Variants in LRRTM4 observed in about 807,000 individuals in gnomAD.
The protein encoded by LRRTM4 is leucine-rich repeat transmembrane neuronal protein 4.
A neutral mutation model predicts 47.6 loss-of-function variants in LRRTM4; 25 were observed. The observed-to-expected ratio is 0.53, with a 90% CI of 0.38 to 0.73. The LOEUF (loss-of-function observed/expected upper bound fraction) is 0.73. Ranked by LOEUF, LRRTM4 falls within the 30% of genes least tolerant of loss-of-function variation. The pLI is 0.00. For synonymous variants in LRRTM4, 311 were observed against 269.5 expected, an observed-to-expected ratio of 1.15 and a Z score of -1.51; for missense variants, 638 against 713.4, an observed-to-expected ratio of 0.89 and a Z score of 1.20.
intron 3 of LRRTM4, among the ~76,000 whole-genome samples, chr2:77,359,013 C>T (rs1005151909): frequency 6.6e-6 from 1 of 151,978 alleles, no homozygotes; most frequent in Non-Finnish European, 1.5e-5. Flanking sequence ...TATATTAATC[C>T]TTTATTTTCA....
At position 77,463,185 on chromosome 2, in the gene LRRTM4, A is replaced by T. The variant is rs538274231; in HGVS notation, c.1551+55133T>A. 4.2e-3 allele frequency among the ~76,000 whole-genome samples: 644 copies of T among 152,194 alleles called. 5 individuals are homozygous for T. The highest frequency in any genetic ancestry group is 7.3e-3 in the Admixed American group (111 of 15,258). On this transcript the variant is annotated intron_variant, in intron 3 of 3. Transcript: ENST00000409884. Reference sequence around the variant, plus strand: ...TGTTGCTTCAAGGCTACAAACCTGTACAGTATGTTACTGTACTAAACACTA... The same window carrying T: ...TGTTGCTTCAAGGCTACAAACCTGTTCAGTATGTTACTGTACTAAACACTA...
At chr2:77,080,870 G>A (rs567931081) in intron 3 of LRRTM4, among the ~76,000 whole-genome samples, 3 of 152,082 alleles carry the variant, frequency 2.0e-5, no homozygotes, top group East Asian at 1.9e-4. Context: ...CTTTGCTCCT[G>A]TTTCACCACC....
intron 3 of LRRTM4, among the ~76,000 whole-genome samples, chr2:76,891,564 A>T (rs868312549): frequency 5.3e-5 from 8 of 151,782 alleles, no homozygotes; most frequent in Non-Finnish European, 2.9e-5. Flanking sequence ...ATACAAAAAA[A>T]ATCCAAATAC....
intron 3 of LRRTM4, among the ~76,000 whole-genome samples, chr2:76,794,186 A>G (rs1027891333): frequency 6.6e-6 from 1 of 152,216 alleles, no homozygotes; most frequent in African/African-American, 2.4e-5. Context: ...CAGAGTAACC[A>G]GAGATTACTA....
chr2:76,780,743 T>C (rs1250494875), intron 3 of LRRTM4, among the ~76,000 whole-genome samples: 2 of 152,100 alleles, frequency 1.3e-5, no homozygotes, highest in Non-Finnish European at 2.9e-5. Context: ...TTGTCTGAAG[T>C]CTTCTTCTCT....
At chr2:77,272,901 C>T (rs1206542247) in intron 3 of LRRTM4, among the ~76,000 whole-genome samples, 1 of 152,014 alleles carries the variant, frequency 6.6e-6, no homozygotes, top group Non-Finnish European at 1.5e-5. Flanking sequence ...TACAATGGAC[C>T]AAGACAGATT....
intron 3 of LRRTM4, among the ~76,000 whole-genome samples, chr2:77,380,861 T>C (rs576659521): frequency 1.3e-5 from 2 of 151,870 alleles, no homozygotes; most frequent in South Asian, 4.2e-4. Flanking sequence ...TTTTCTAAAG[T>C]AATGTTTCTA....
In LRRTM4 at chr2:77,043,302, C is replaced by T. The variant is rs542447963; in HGVS notation, c.1552-294386G>A. On this transcript the variant is annotated intron_variant, in intron 3 of 3. Coordinates refer to ENST00000409884, the MANE Select transcript of LRRTM4 (RefSeq NM_001134745.3). Reference sequence around the variant, plus strand: ...CCAACTAATAACTGACTTTCTTCAGCGTGCTTAAATTTTCTCCACTACGTT... The same window carrying T: ...CCAACTAATAACTGACTTTCTTCAGTGTGCTTAAATTTTCTCCACTACGTT... 7.2e-5 allele frequency among the ~76,000 whole-genome samples: 11 copies of T among 151,830 alleles called. No homozygotes were observed. The South Asian group carries it at 1.0e-3, about 14-fold the overall frequency.
At chr2:77,490,034 C>G (rs4853313) in intron 3 of LRRTM4, among the ~76,000 whole-genome samples, 141,664 of 152,254 alleles carry the variant, frequency 0.93, 65,948 homozygotes, top group African/African-American at 0.95. Context: ...CAGATCAGTT[C>G]AGGTAAGAAG....
intron 3 of LRRTM4, among the ~76,000 whole-genome samples, chr2:77,504,098 TC>T (rs1187697246): frequency 6.6e-6 from 1 of 151,652 alleles, no homozygotes; most frequent in Non-Finnish European, 1.5e-5. Flanking sequence ...ATTCTCTCTG[TC>T]TCTCTTCCTT....
chr2:76,991,776 A>T (rs1173772969), intron 3 of LRRTM4, among the ~76,000 whole-genome samples: 1 of 151,594 alleles, frequency 6.6e-6, no homozygotes, highest in African/African-American at 2.4e-5. Context: ...TCCTCCCTAA[A>T]TCATTCTATG....
intron 3 of LRRTM4, among the ~76,000 whole-genome samples, chr2:77,396,881 T>TGGA (rs1344954905): frequency 6.6e-6 from 1 of 151,886 alleles, no homozygotes; most frequent in Non-Finnish European, 1.5e-5. Flanking sequence ...ATTTGAAGAG[T>TGGA]GGACATTGCT....
At chr2:76,752,239 G>T (rs1001275472) in intron 3 of LRRTM4, among the ~76,000 whole-genome samples, 1 of 152,148 alleles carries the variant, frequency 6.6e-6, no homozygotes, top group Non-Finnish European at 1.5e-5. Context: ...GAACATTGTT[G>T]AATTTGCAAT....
intron 3 of LRRTM4, among the ~76,000 whole-genome samples, chr2:77,173,209 C>T (rs942064484): frequency 3.3e-5 from 5 of 152,098 alleles, no homozygotes; most frequent in African/African-American, 1.2e-4. Flanking sequence ...AAATTGAATT[C>T]GGCCATGATT....
chr2:77,223,744 T>C (rs913225624), intron 3 of LRRTM4, among the ~76,000 whole-genome samples: 1 of 152,178 alleles, frequency 6.6e-6, no homozygotes, highest in African/African-American at 2.4e-5. Flanking sequence ...TCCATGCTCA[T>C]GGGTAGGAAG....
At chr2:77,186,894 T>C (rs1673521871) in intron 3 of LRRTM4, among the ~76,000 whole-genome samples, 1 of 152,174 alleles carries the variant, frequency 6.6e-6, no homozygotes, top group South Asian at 2.1e-4. Flanking sequence ...CAGAAACTTC[T>C]TGAAAAATAA....
chr2:77,308,845 C>T (rs1463032802), intron 3 of LRRTM4, among the ~76,000 whole-genome samples: 2 of 142,844 alleles, frequency 1.4e-5, no homozygotes, highest in Non-Finnish European at 3.0e-5. Flanking sequence ...TTTATTGGGG[C>T]ATGGGGGTGG....
At chr2:77,344,195 A>C (rs1671477343) in intron 3 of LRRTM4, among the ~76,000 whole-genome samples, 1 of 151,886 alleles carries the variant, frequency 6.6e-6, no homozygotes, top group South Asian at 2.1e-4. Context: ...AACATGAAAA[A>C]TAACAATGAA....
intron 3 of LRRTM4, among the ~76,000 whole-genome samples, chr2:76,875,715 T>C (rs1211189099): frequency 6.6e-6 from 1 of 152,144 alleles, no homozygotes; most frequent in African/African-American, 2.4e-5. Context: ...CATTGAGGAG[T>C]CATTCTTAAT....
Sources: allele counts gnomAD v4.1 joint callset (sites outside exome capture counted in the v4.1 genomes callset), GRCh38; gene constraint gnomAD v4.1.1; transcripts MANE v1.5; gene names NCBI Gene and HGNC (gene_info 2026-07-23, HGNC 2026-07-21).